Variants in CNTNAP2 observed in about 807,000 individuals in gnomAD.
CNTNAP2 encodes contactin-associated protein-like 2.
A neutral mutation model predicts 155.2 loss-of-function variants in CNTNAP2; 98 were observed. The observed-to-expected ratio is 0.63, with a 90% CI of 0.54 to 0.75. The LOEUF (loss-of-function observed/expected upper bound fraction) is 0.75. CNTNAP2 is among the 30% of genes least tolerant of loss of function. The pLI, the probability that CNTNAP2 is intolerant of heterozygous loss-of-function variation, is 0.00. For synonymous variants in CNTNAP2, 651 were observed against 631.2 expected, an observed-to-expected ratio of 1.03 and a Z score of -0.47; for missense variants, 1,727 against 1,688.1, an observed-to-expected ratio of 1.02 and a Z score of -0.40.
chr7:148,041,987 T>C (rs1802686624), intron 15 of CNTNAP2, among the ~76,000 whole-genome samples: 1 of 152,230 alleles, frequency 6.6e-6, no homozygotes, highest in Admixed American at 6.5e-5. Flanking sequence ...CATTACACCT[T>C]TGTCAAGCCA....
At chr7:146,402,926 C>T (rs935658011) in intron 1 of CNTNAP2, among the ~76,000 whole-genome samples, 13 of 152,008 alleles carry the variant, frequency 8.6e-5, no homozygotes, top group African/African-American at 2.9e-4. Flanking sequence ...CATTTTTATA[C>T]TTTTGCCTTA....
At chr7:147,481,988 T>A (rs984804366) in intron 10 of CNTNAP2, among the ~76,000 whole-genome samples, 10 of 152,206 alleles carry the variant, frequency 6.6e-5, no homozygotes, top group Non-Finnish European at 1.5e-4. Context: ...AAAAGAGATA[T>A]TTCTTCTGAA....
At chr7:147,120,864 G>A (rs980308671) in intron 5 of CNTNAP2, 115 bp from the exon 6 acceptor site, 69 of 948,372 alleles carry the variant, frequency 7.3e-5, no homozygotes, top group Non-Finnish European at 1.7e-5. Context: ...TAACTCGAAT[G>A]GATAGAGCTT....
chr7:147,331,222 T>C (rs999112438), intron 9 of CNTNAP2, among the ~76,000 whole-genome samples: 1 of 152,082 alleles, frequency 6.6e-6, no homozygotes, highest in Non-Finnish European at 1.5e-5. Context: ...CAATGTTCCC[T>C]GGTAAAAGCT....
intron 13 of CNTNAP2, among the ~76,000 whole-genome samples, chr7:147,647,822 A>G (rs1307277420): frequency 6.6e-6 from 1 of 152,216 alleles, no homozygotes; most frequent in Non-Finnish European, 1.5e-5. Flanking sequence ...AAGTCCTATA[A>G]TTGGGAAGCT....
intron 18 of CNTNAP2, among the ~76,000 whole-genome samples, chr7:148,212,893 G>A (rs1352107604): frequency 6.6e-6 from 1 of 152,076 alleles, no homozygotes; most frequent in Non-Finnish European, 1.5e-5. Context: ...TTTTGAACAT[G>A]GTATATCCCT....
chr7:148,200,223 T>C (rs1795346374), intron 18 of CNTNAP2, among the ~76,000 whole-genome samples: 1 of 152,180 alleles, frequency 6.6e-6, no homozygotes, highest in Non-Finnish European at 1.5e-5. Flanking sequence ...AAATTAACCA[T>C]CACAATGTAA....
intron 18 of CNTNAP2, among the ~76,000 whole-genome samples, chr7:148,186,710 C>T (rs947551105): frequency 6.6e-6 from 1 of 152,204 alleles, no homozygotes; most frequent in Admixed American, 6.5e-5. Flanking sequence ...AAATCCCCAA[C>T]TCTGTGGAGA....
intron 15 of CNTNAP2, among the ~76,000 whole-genome samples, chr7:148,062,018 AGAGAGAGAGAGTGTGTGT>A: frequency 7.3e-6 from 1 of 137,120 alleles, no homozygotes; most frequent in African/African-American, 2.8e-5. Context: ...TGATAGAGAG[AGAGAGAGAGAGTGTGTGT>A]GTGTGTGTGT....
intron 1 of CNTNAP2, among the ~76,000 whole-genome samples, chr7:146,186,965 C>T (rs748423530): frequency 5.3e-5 from 8 of 152,124 alleles, no homozygotes; most frequent in African/African-American, 9.7e-5. Flanking sequence ...TCTTATATCC[C>T]GTTTCTATCC....
intron 12 of CNTNAP2, among the ~76,000 whole-genome samples, chr7:147,631,997 T>G (rs981008683): frequency 1.3e-5 from 2 of 152,042 alleles, no homozygotes; most frequent in Non-Finnish European, 2.9e-5. Context: ...CTAATTAAAC[T>G]AAAAGCTTCT....
intron 8 of CNTNAP2, among the ~76,000 whole-genome samples, chr7:147,272,222 G>A (rs1042096592): frequency 2.6e-5 from 4 of 152,042 alleles, no homozygotes; most frequent in Admixed American, 1.3e-4. Context: ...GCTCATCCTA[G>A]AATCTTGTAA....
At chr7:147,394,849 T>TGTGTG (rs1796785391) in intron 9 of CNTNAP2, among the ~76,000 whole-genome samples, 1 of 107,918 alleles carries the variant, frequency 9.3e-6, no homozygotes, top group Non-Finnish European at 1.9e-5. Flanking sequence ...GTGTGTGTGT[T>TGTGTG]TACTCTTGTT....
At chr7:147,083,807 A>ATGTACATATTATATACATATACACATGTG (rs2129269435) in intron 4 of CNTNAP2, among the ~76,000 whole-genome samples, 1 of 138,266 alleles carries the variant, frequency 7.2e-6, no homozygotes, top group South Asian at 2.3e-4. Flanking sequence ...ATACACATGT[A>ATGTACATATTATATACATATACACATGTG]TGTACATATT....
intron 15 of CNTNAP2, among the ~76,000 whole-genome samples, chr7:148,109,724 A>C (rs1294352166): frequency 6.6e-6 from 1 of 152,230 alleles, no homozygotes; most frequent in Non-Finnish European, 1.5e-5. Flanking sequence ...TCGCCAGATC[A>C]ACTCAAACTT....
At chr7:147,586,521 A>AT (rs199721916) in intron 12 of CNTNAP2, among the ~76,000 whole-genome samples, 1 of 98,928 alleles carries the variant, frequency 1.0e-5, no homozygotes. Context: ...ACAGAGAGAG[A>AT]AGAGGAAGGA....
At chr7:148,255,928 C>T (rs551817849) in intron 20 of CNTNAP2, among the ~76,000 whole-genome samples, 1 of 152,156 alleles carries the variant, frequency 6.6e-6, no homozygotes, top group Non-Finnish European at 1.5e-5. Flanking sequence ...GAATCTGAGA[C>T]GATCACTACC....
chr7:148,290,667 G>A (rs545706121), intron 21 of CNTNAP2, among the ~76,000 whole-genome samples: 78 of 152,176 alleles, frequency 5.1e-4, no homozygotes, highest in African/African-American at 1.8e-3. Flanking sequence ...AAATTTCTGC[G>A]GCAGATTCAT....
intron 3 of CNTNAP2, among the ~76,000 whole-genome samples, chr7:146,877,752 C>A (rs1236146774): frequency 6.6e-6 from 1 of 151,742 alleles, no homozygotes; most frequent in Non-Finnish European, 1.5e-5. Context: ...TTGAATGAAG[C>A]AAGATTATTT....
Sources: allele counts gnomAD v4.1 joint callset (sites outside exome capture counted in the v4.1 genomes callset), GRCh38; gene constraint gnomAD v4.1.1; transcripts MANE v1.5; gene names NCBI Gene and HGNC (gene_info 2026-07-23, HGNC 2026-07-21).